ADGRG5: variants seen among roughly 807,000 people sequenced by gnomAD.
The protein encoded by ADGRG5 is adhesion G protein-coupled receptor G5, also known as G protein-coupled receptor 114.
A neutral mutation model predicts 53.2 loss-of-function variants in ADGRG5; 37 were observed. The ratio of observed to expected loss-of-function variants is 0.70; its 90% CI spans 0.53 to 0.91. ADGRG5 has a LOEUF of 0.91. Ranked by LOEUF, ADGRG5 falls within the 40% of genes least tolerant of loss-of-function variation. The pLI is 0.00. For missense variants in ADGRG5, 614 were observed against 675.8 expected, an observed-to-expected ratio of 0.91 and a Z score of 1.01; for synonymous variants, 277 against 290.4, an observed-to-expected ratio of 0.95 and a Z score of 0.47.
rs187010744 is a variant in ADGRG5, at chr16:57,546,456, T to G, written c.-39+3755T>G. Among the ~76,000 whole-genome samples, 9 of 152,328 alleles carry G rather than the reference T, an allele frequency of 5.9e-5. No individual in the cohort carries two copies. The East Asian group carries it at 1.5e-3, about 26-fold the overall frequency. ...CCCATTTTTATATTGGGTTAGACTT[T>G]TCCTTATCAATTTCTAGAAACTTTT... On this transcript the variant is annotated intron_variant, in intron 1 of 11. Transcript: ENST00000349457.
In ADGRG5 at chr16:57,562,144, G is replaced by A; in HGVS notation, c.51G>A (p.Gln17=). Residue 17 remains glutamine, a synonymous_variant, in exon 2 of 12, where the codon CAG becomes CAA. Transcript: ENST00000349457. ...LFLCLCLLTL[Q]NATTETWEEL... ...TGTGCCTGTGCCTTCTGACTTTGCA[G>A]AATGCAACAACAGGTAAGGGGGCTC... 6.2e-7 allele frequency: 1 copy of A among 1,602,420 alleles called. No individual in the cohort carries two copies. Among genetic ancestry groups the A allele is most frequent in the Non-Finnish European group, 8.5e-7 (1 of 1,171,880 alleles).
intron 10 of ADGRG5, among the ~76,000 whole-genome samples, chr16:57,571,082 G>A (rs1336165362): frequency 2.0e-5 from 3 of 152,106 alleles, no homozygotes; most frequent in Non-Finnish European, 4.4e-5. Flanking sequence ...CCCTGCAGGC[G>A]AGGACGTTAA....
At chr16:57,529,292 C>T in the ADGRG5 span, 2 of 1,119,336 alleles carry the variant, frequency 1.8e-6, no homozygotes, top group Middle Eastern at 3.9e-4. This position sits in a 1 kb window ranked among gnomAD's most constrained non-coding sequence, Gnocchi z 4.1. Context: ...CCGCTTCCCT[C>T]TGGGCCACCG....
chr16:57,554,423 T>C (rs1018475123), intron 1 of ADGRG5, among the ~76,000 whole-genome samples: 45 of 151,920 alleles, frequency 3.0e-4, no homozygotes, highest in Admixed American at 2.0e-3. Context: ...GTTGCCCAGG[T>C]TGGAGTGCAG....
chr16:57,553,510 G>A (rs1239555308), intron 1 of ADGRG5, among the ~76,000 whole-genome samples: 1 of 152,028 alleles, frequency 6.6e-6, no homozygotes, highest in Non-Finnish European at 1.5e-5. Context: ...ACAAATTTTT[G>A]GACTCTCTAT....
chr16:57,539,715 A>G (rs1347982050), upstream of ADGRG5, among the ~76,000 whole-genome samples: 3 of 151,880 alleles, frequency 2.0e-5, no homozygotes, highest in African/African-American at 7.3e-5. Flanking sequence ...GGCTTTGTCC[A>G]AAGTGTTGGG....
chr16:57,547,215 G>A (rs1274037354), intron 1 of ADGRG5, among the ~76,000 whole-genome samples: 3 of 151,966 alleles, frequency 2.0e-5, no homozygotes, highest in African/African-American at 7.3e-5. Flanking sequence ...GTTTGTTGTA[G>A]AAAATTTAAA....
intron 6 of ADGRG5, 149 bp downstream of exon 6, chr16:57,565,299 A>G: frequency 1.5e-6 from 1 of 655,694 alleles, no homozygotes; most frequent in Non-Finnish European, 2.8e-6. Context: ...TAAGAGAGAG[A>G]GAAGTTTTTA....
Position 57,565,064 on chromosome 16 carries a change from T to A in ADGRG5, c.460T>A (p.Tyr154Asn). 6.2e-7 allele frequency: 1 copy of A among 1,613,794 alleles called. No homozygotes were observed. The highest frequency in any genetic ancestry group is 8.5e-7 in the Non-Finnish European group (1 of 1,179,714). ...DENNSSLLNN[Y>N]VLGAQLSHGH... Reference sequence around the variant, plus strand: ...AAACAACTCATCTCTGCTGAATAACTACGTCCTGGGGGCCCAGCTGAGTCA... The same window carrying A: ...AAACAACTCATCTCTGCTGAATAACAACGTCCTGGGGGCCCAGCTGAGTCA... Residue 154 changes from tyrosine (Y) to asparagine (N), a missense_variant, in exon 6 of 12, where the codon TAC (tyrosine) becomes AAC (asparagine). By Grantham distance (143) the Tyr-to-Asn change is moderately radical. Transcript: ENST00000349457.
At chr16:57,558,664 A>T (rs986063424) in intron 1 of ADGRG5, among the ~76,000 whole-genome samples, 2 of 152,152 alleles carry the variant, frequency 1.3e-5, no homozygotes, top group Admixed American at 6.5e-5. Context: ...GTGCAGGCAG[A>T]CTTCTTCCCC....
Position 57,563,953 on chromosome 16 carries a change from T to A in ADGRG5, c.403T>A (p.Tyr135Asn). 6.2e-7 allele frequency: 1 copy of A among 1,613,730 alleles called. No homozygotes were observed. The highest frequency in any genetic ancestry group is 2.2e-5 in the East Asian group (1 of 44,840). Residue 135 changes from tyrosine to asparagine, a missense_variant, in exon 5 of 12, where the codon TAC (tyrosine) becomes AAC (asparagine). Coordinates refer to ENST00000349457, the MANE Select transcript of ADGRG5 (RefSeq NM_001304376.3). ...CAGGGAGCTGCGGCTCATCTGTATC[T>A]ACTTCTCCAACACCCACTTTTTCAA... ...RPRELRLICIYFSNTHFFKDE... is the reference protein window; with the variant it reads ...RPRELRLICINFSNTHFFKDE...
upstream of ADGRG5, among the ~76,000 whole-genome samples, chr16:57,541,798 C>T (rs556806100): frequency 1.3e-5 from 2 of 152,356 alleles, no homozygotes; most frequent in South Asian, 4.1e-4. Context: ...CCACACACAC[C>T]TCCTTGCTTT....
rs1165771409 is a variant in ADGRG5 at position 57,568,048 on chromosome 16, C to T, written c.1014C>T (p.Asn338=). Residue 338 remains asparagine (N), a synonymous_variant, in exon 9 of 12, where the codon AAC becomes AAT. Transcript: ENST00000349457. ...CLTWMAIEGF[N]LYLLLGRVYN... Reference sequence around the variant, plus strand: ...CCTGGATGGCCATCGAGGGCTTCAACCTCTACCTCCTCCTCGGGCGTGTCT... The same window carrying T: ...CCTGGATGGCCATCGAGGGCTTCAATCTCTACCTCCTCCTCGGGCGTGTCT... 1 of 1,614,026 alleles carries T rather than the reference C, an allele frequency of 6.2e-7. No individual in the cohort carries two copies. The highest frequency in any genetic ancestry group is 1.7e-5 in the Admixed American group (1 of 60,018).
Position 57,563,396 on chromosome 16 carries a change from C to T in ADGRG5, c.297+149C>T, listed in dbSNP as rs1049007923. 3.7e-5 allele frequency: 26 copies of T among 701,982 alleles called. No individual in the cohort carries two copies. In the South Asian group the frequency reaches 4.4e-4, roughly 12 times the overall value. The allele number at this position is 701,982 out of a possible 1,614,324, so 43.5% of individuals were successfully genotyped here. ...TGCCCTAACTGGCAGTGAGTTGCCTCCTCTGTAAAATGGGGCTCATACTCG... is the reference window on the plus strand; with the variant it reads ...TGCCCTAACTGGCAGTGAGTTGCCTTCTCTGTAAAATGGGGCTCATACTCG... On this transcript the variant is annotated intron_variant, in intron 4 of 11. Coordinates refer to ENST00000349457, the MANE Select transcript of ADGRG5 (RefSeq NM_001304376.3).
intron 1 of ADGRG5, among the ~76,000 whole-genome samples, chr16:57,559,633 T>C (rs1347389362): frequency 6.6e-6 from 1 of 152,222 alleles, no homozygotes; most frequent in Non-Finnish European, 1.5e-5. Context: ...TCCTCTGTGC[T>C]CTGTCAAACA....
Position 57,562,060 on chromosome 16 carries a change from G to A in ADGRG5, c.-34G>A, listed in dbSNP as rs374331328. ...GATGGCATGCACCTTTTTCAGGGCC[G>A]GAGCCAGTTCTTGGAGGAGACTCTG... On this transcript the variant is annotated 5_prime_UTR_variant, in exon 2 of 12. Transcript: ENST00000349457. 4.4e-5 allele frequency: 66 copies of A among 1,511,120 alleles called. No individual in the cohort carries two copies. Among genetic ancestry groups the A allele is most frequent in the Middle Eastern group, 1.8e-4 (1 of 5,658 alleles). The allele number at this position is 1,511,120 out of a possible 1,614,324, so 93.6% of individuals were successfully genotyped here. A position where few individuals can be genotyped will look rare whatever the true frequency, so the allele number is the denominator to read the frequency against.
chr16:57,540,746 G>A (rs1284895072), upstream of ADGRG5, among the ~76,000 whole-genome samples: 3 of 152,118 alleles, frequency 2.0e-5, no homozygotes, highest in African/African-American at 4.8e-5. Context: ...GAAGTTGGAC[G>A]GGGTTAGACT....
chr16:57,538,501 G>A (rs2146734868), upstream of ADGRG5, among the ~76,000 whole-genome samples: 1 of 152,296 alleles, frequency 6.6e-6, no homozygotes, highest in African/African-American at 2.4e-5. Flanking sequence ...GCTAACTTGG[G>A]AGGCAGAGGC....
chr16:57,534,137 G>C, the ADGRG5 span, among the ~76,000 whole-genome samples: 3 of 152,204 alleles, frequency 2.0e-5, no homozygotes, highest in Admixed American at 6.5e-5. Flanking sequence ...CCAACTCCAG[G>C]AAATGCCTTG....
Sources: allele counts gnomAD v4.1 joint callset (sites outside exome capture counted in the v4.1 genomes callset), GRCh38; gene constraint gnomAD v4.1.1; non-coding constraint Gnocchi (gnomAD v3.1); transcripts MANE v1.5; gene names NCBI Gene and HGNC (gene_info 2026-07-23, HGNC 2026-07-21).